Variants in ANKRD11 observed in about 807,000 individuals in gnomAD.
The protein encoded by ANKRD11 is ankyrin repeat domain 11.
A neutral mutation model predicts 195.7 loss-of-function variants in ANKRD11; 17 were observed. The ratio of observed to expected loss-of-function variants is 0.09; its 90% CI spans 0.06 to 0.13. ANKRD11 has a LOEUF of 0.13. ANKRD11 is among the 10% of genes least tolerant of loss of function. ANKRD11 has a pLI of 1.00. For synonymous variants in ANKRD11, 1,953 were observed against 1,528.1 expected, an observed-to-expected ratio of 1.28 and a Z score of -6.49; for missense variants, 3,735 against 3,566.1, an observed-to-expected ratio of 1.05 and a Z score of -1.21.
At chr16:89,301,414 G>A (rs2035846163) in intron 4 of ANKRD11, 2 of 396,782 alleles carry the variant, frequency 5.0e-6, no homozygotes, top group South Asian at 2.8e-4. Flanking sequence ...CCTTGAGGTG[G>A]TAGAGGACAG....
At chr16:89,415,233 T>C (rs9928835) in intron 2 of ANKRD11, among the ~76,000 whole-genome samples, 81,500 of 147,146 alleles carry the variant, frequency 0.55, 22,738 homozygotes, top group Middle Eastern at 0.7. Context: ...GGATTACAGG[T>C]GGGAGCCACT....
intron 1 of ANKRD11, among the ~76,000 whole-genome samples, chr16:89,428,752 G>C (rs2911251): frequency 0.53 from 79,471 of 150,932 alleles, 21,110 homozygotes; most frequent in Middle Eastern, 0.74. Context: ...AAATTAGCCA[G>C]GCATGGTGGC....
Position 89,305,310 on chromosome 16 carries a change from T to C in ANKRD11, c.122A>G (p.Lys41Arg), listed in dbSNP as rs1243079924. 6.2e-7 allele frequency: 1 copy of C among 1,613,954 alleles called. No homozygotes were observed. The highest frequency in any genetic ancestry group is 1.7e-5 in the Admixed American group (1 of 60,006). ...CTTCCCGCCATCGCCACGCTCCAGTTTTGGGGTCTTGGTTAGAGAAACTTT... is the reference window on the plus strand; with the variant it reads ...CTTCCCGCCATCGCCACGCTCCAGTCTTGGGGTCTTGGTTAGAGAAACTTT... ...KDKVSLTKTP[K>R]LERGDGGKEV... is the part of the protein sequence containing the mutation. The change falls in exon 4 of 13, where the codon AAA (lysine) becomes AGA (arginine). Residue 41 changes from lysine to arginine, a missense_variant. By Grantham distance (26) the Lys-to-Arg change is conservative (BLOSUM62 2). Transcript: ENST00000301030.
chr16:89,445,766 G>A (rs1350201311), intron 1 of ANKRD11, among the ~76,000 whole-genome samples: 1 of 152,084 alleles, frequency 6.6e-6, no homozygotes, highest in Admixed American at 6.6e-5. Context: ...CCTGAGGTCA[G>A]GAGTTCGAGA....
In ANKRD11 at chr16:89,283,359, A is replaced by T. The variant is rs578006359; in HGVS notation, c.3183T>A (p.Asp1061Glu). The T allele has an allele frequency of 6.2e-7, 1 of 1,613,546 alleles. No individual in the cohort carries two copies. The highest frequency in any genetic ancestry group is 1.1e-5 in the South Asian group (1 of 91,070). ...EFDKCFKEKK[D>E]TKEKHKDTHG... ...GTGTGTCTTTATGTTTTTCCTTGGT[A>T]TCTTTTTTCTCTTTAAAACATTTAT... Residue 1061 changes from aspartate to glutamate, a missense_variant, in exon 9 of 13, where the codon GAT (aspartate) becomes GAA (glutamate). Transcript: ENST00000301030. The surrounding 1 kb of genome is among the most constrained non-coding windows in gnomAD (Gnocchi z 4.3).
intron 1 of ANKRD11, among the ~76,000 whole-genome samples, chr16:89,463,118 C>T (rs1205829268): frequency 1.3e-5 from 2 of 151,888 alleles, no homozygotes; most frequent in Non-Finnish European, 2.9e-5. Flanking sequence ...GCCCGGCCGC[C>T]CCTACTGGGA....
intron 1 of ANKRD11, among the ~76,000 whole-genome samples, chr16:89,487,551 G>A (rs759511114): frequency 4.6e-5 from 7 of 152,164 alleles, no homozygotes; most frequent in African/African-American, 1.4e-4. Flanking sequence ...CAAGGCAGGT[G>A]GATCACAAGG....
intron 1 of ANKRD11, among the ~76,000 whole-genome samples, chr16:89,441,102 G>C (rs771439820): frequency 1.3e-5 from 2 of 151,914 alleles, no homozygotes; most frequent in Non-Finnish European, 2.9e-5. Context: ...CGGGCGTGGT[G>C]GTGGGCGCCT....
chr16:89,430,152 G>A (rs762763246), intron 1 of ANKRD11, among the ~76,000 whole-genome samples: 66 of 60,222 alleles, frequency 1.1e-3, no homozygotes, highest in Admixed American at 2.0e-3. Context: ...CTCAACTCTC[G>A]CGCTCAGTCG....
chr16:89,278,793 C>G, intron 9 of ANKRD11: 1 of 627,726 alleles, frequency 1.6e-6, no homozygotes, highest in Non-Finnish European at 3.0e-6. Flanking sequence ...GAGCCCCACA[C>G]GAGTGGGACC....
At chr16:89,293,804 G>A (rs1040796407) in intron 4 of ANKRD11, among the ~76,000 whole-genome samples, 8 of 152,072 alleles carry the variant, frequency 5.3e-5, no homozygotes, top group African/African-American at 1.5e-4. Flanking sequence ...TTTACATCCC[G>A]AAGTGCAGGC....
chr16:89,455,287 T>C (rs1223646157), intron 1 of ANKRD11, among the ~76,000 whole-genome samples: 1 of 150,248 alleles, frequency 6.7e-6, no homozygotes, highest in African/African-American at 2.5e-5. Context: ...GCTTCTAGCG[T>C]TCCTCAAGCT....
chr16:89,284,301 C>A lies in ANKRD11; in HGVS notation c.2241G>T (p.Ser747=), dbSNP rs775055229. 6.2e-7 allele frequency: 1 copy of A among 1,613,710 alleles called. No individual in the cohort carries two copies. The highest frequency in any genetic ancestry group is 1.7e-5 in the Admixed American group (1 of 59,996). The change falls in exon 9 of 13, where the codon TCG becomes TCT. Residue 747 remains serine, a synonymous_variant. Coordinates refer to ENST00000301030, the MANE Select transcript of ANKRD11 (RefSeq NM_013275.6). The part of the protein sequence containing the change: ...DRSNKAEKER[S]LKEKSPKEEK... ...CTTCTTTCGGAGACTTTTCCTTCAG[C>A]GATCTCTCCTTTTCTGCTTTATTCG...
rs1242567369 is a variant in ANKRD11 at position 89,269,025 on chromosome 16, G to GTGAT, written c.7807-366_7807-363dup. Among the ~76,000 whole-genome samples the GTGAT allele has an allele frequency of 3.9e-5, 6 of 152,248 alleles. No homozygotes were observed. In the South Asian group the frequency reaches 8.3e-4, roughly 21 times the overall value. ...GTCATTTTACAATTACTTACGGCCAGTGATAGTTTCACTTGTATTTCTAGT... is the reference window on the plus strand; with the variant it reads ...GTCATTTTACAATTACTTACGGCCAGTGATTGATAGTTTCACTTGTATTTCTAGT... On this transcript the variant is annotated intron_variant, in intron 12 of 12. Coordinates refer to ENST00000301030, the MANE Select transcript of ANKRD11 (RefSeq NM_013275.6).
chr16:89,278,460 G>C, intron 9 of ANKRD11: 1 of 450,904 alleles, frequency 2.2e-6, no homozygotes, highest in East Asian at 7.0e-5. Context: ...TGGGGGAGTG[G>C]GGGTGATTCC....
At chr16:89,423,420 C>A (rs1191738858) in intron 1 of ANKRD11, among the ~76,000 whole-genome samples, 3 of 152,248 alleles carry the variant, frequency 2.0e-5, no homozygotes, top group Non-Finnish European at 4.4e-5. Context: ...CACAGAACGG[C>A]CCGCAGTGCA....
rs562727530 is a variant in ANKRD11, at chr16:89,380,174, G to A, written c.-60+38110C>T. On this transcript the variant is annotated intron_variant, in intron 2 of 12. Coordinates refer to ENST00000301030, the MANE Select transcript of ANKRD11 (RefSeq NM_013275.6). ...GTCACCCAGGCTGGAGAGCGATGGC[G>A]TGATCTCGGCTCACTTCAACACCCA... Among the ~76,000 whole-genome samples the A allele has an allele frequency of 8.5e-5, 13 of 152,210 alleles. No homozygotes were observed. In the South Asian group the frequency reaches 2.1e-3, roughly 24 times the overall value.
intron 2 of ANKRD11, among the ~76,000 whole-genome samples, chr16:89,417,894 C>A (rs909928278): frequency 6.6e-6 from 1 of 152,210 alleles, no homozygotes. Flanking sequence ...AGAATCCTCA[C>A]GCAAACTGTT....
chr16:89,465,462 C>T (rs1432355552), intron 1 of ANKRD11, among the ~76,000 whole-genome samples: 2 of 152,172 alleles, frequency 1.3e-5, no homozygotes, highest in African/African-American at 4.8e-5. Context: ...ACACTCTTGC[C>T]GTGAAGAGCA....
Sources: gnomAD v4.1 joint callset for allele counts (sites outside exome capture counted in the v4.1 genomes callset) on GRCh38, gnomAD v4.1.1 for gene constraint, Gnocchi (gnomAD v3.1) non-coding constraint, MANE v1.5 for transcripts, NCBI Gene and HGNC (gene_info 2026-07-23, HGNC 2026-07-21) for gene names.